Variants in KAZN observed in about 807,000 individuals in gnomAD.
KAZN encodes the protein kazrin, periplakin interacting protein, also known as kazrin.
Under a neutral mutation model 87.4 loss-of-function variants are expected in KAZN, and 40 were observed. That is an observed-to-expected ratio of 0.46 (90% CI 0.36 to 0.60). KAZN has a LOEUF of 0.60. Ranked by LOEUF, KAZN falls within the 20% of genes least tolerant of loss-of-function variation. KAZN has a pLI of 0.00. For missense variants in KAZN, 898 were observed against 1,073.9 expected, an observed-to-expected ratio of 0.84 and a Z score of 2.29; for synonymous variants, 466 against 458.3, an observed-to-expected ratio of 1.02 and a Z score of -0.22.
chr1:15,035,035 A>G (rs1672121254), intron 3 of KAZN, 150 bp downstream of exon 3: 1 of 975,118 alleles, frequency 1.0e-6, no homozygotes, highest in African/African-American at 1.6e-5. Context: ...AGGCACCGAG[A>G]TAAAACCGGC....
In KAZN at chr1:15,094,069, C is replaced by T. The variant is rs547771022; in HGVS notation, c.1223-111C>T. ...AGCCACTTTGATTTTGAAGAGAATA[C>T]ATGGAGGGGAGGATGTCCCCACCAC... On this transcript the variant is annotated intron_variant, in intron 8 of 14. Coordinates refer to ENST00000376030, the MANE Select transcript of KAZN (RefSeq NM_201628.3). The surrounding 1 kb of genome is among the most constrained non-coding windows in gnomAD (Gnocchi z 4.5). The T allele has an allele frequency of 1.3e-5, 11 of 866,236 alleles. No individual in the cohort carries two copies. The highest frequency in any genetic ancestry group is 1.2e-4 in the African/African-American group (7 of 60,146). The allele number at this position is 866,236 out of a possible 1,614,324, so 53.7% of individuals were successfully genotyped here.
chr1:14,389,177 C>T (rs1018714215), intron 2 of KAZN, among the ~76,000 whole-genome samples: 1 of 152,146 alleles, frequency 6.6e-6, no homozygotes, highest in Non-Finnish European at 1.5e-5. Flanking sequence ...GCTAAAATGG[C>T]TTTTCTCCAA....
intron 1 of KAZN, among the ~76,000 whole-genome samples, chr1:14,843,073 T>C (rs770796620): frequency 2.6e-5 from 4 of 152,158 alleles, no homozygotes; most frequent in Non-Finnish European, 5.9e-5. Flanking sequence ...CCCAATACAG[T>C]TGCATCACAT....
chr1:14,451,927 A>C (rs1667298233), intron 2 of KAZN, among the ~76,000 whole-genome samples: 1 of 151,770 alleles, frequency 6.6e-6, no homozygotes, highest in Non-Finnish European at 1.5e-5. Context: ...GGATGAGATT[A>C]ACTCTTTTTT....
At chr1:14,222,842 T>C (rs1557572849) in intron 2 of KAZN, among the ~76,000 whole-genome samples, 1 of 152,194 alleles carries the variant, frequency 6.6e-6, no homozygotes, top group Non-Finnish European at 1.5e-5. Context: ...AATATTATGA[T>C]GAATAGGTAT....
At chr1:14,909,921 C>T (rs566790017) in intron 1 of KAZN, among the ~76,000 whole-genome samples, 4 of 152,220 alleles carry the variant, frequency 2.6e-5, no homozygotes, top group South Asian at 2.1e-4. Context: ...GGCACGGTGG[C>T]GTGTGCTTGT....
intron 1 of KAZN, among the ~76,000 whole-genome samples, chr1:14,627,478 C>T (rs939759760): frequency 6.6e-6 from 1 of 152,142 alleles, no homozygotes; most frequent in African/African-American, 2.4e-5. Context: ...AGGCCTGATA[C>T]GATCTCACTC....
chr1:14,391,243 G>T (rs1662396745), intron 2 of KAZN, among the ~76,000 whole-genome samples: 1 of 152,148 alleles, frequency 6.6e-6, no homozygotes, highest in Non-Finnish European at 1.5e-5. Flanking sequence ...TGCTTCTTGG[G>T]CACTTTTGAG....
chr1:14,661,952 T>C (rs773087031), intron 1 of KAZN, among the ~76,000 whole-genome samples: 5 of 152,184 alleles, frequency 3.3e-5, no homozygotes, highest in Non-Finnish European at 7.3e-5. Flanking sequence ...CGGATAGGCC[T>C]GGGGTAGAAT....
In KAZN at chr1:14,174,006, C is replaced by T. The variant is rs570152337; in HGVS notation, c.92-6429C>T. Among the ~76,000 whole-genome samples the T allele has an allele frequency of 3.4e-4, 52 of 152,336 alleles. No individual in the cohort carries two copies. In the South Asian group the frequency reaches 3.7e-3, roughly 11 times the overall value. On this transcript the variant is annotated intron_variant, in intron 1 of 16. Coordinates refer to the KAZN transcript ENST00000636203. ...GGGTGACCAGCATTGAATATTTGGTCTGTACATAGAAACAAATGGGAAAAG... is the reference window on the plus strand; with the variant it reads ...GGGTGACCAGCATTGAATATTTGGTTTGTACATAGAAACAAATGGGAAAAG...
chr1:14,373,393 G>A (rs1660661353), intron 2 of KAZN, among the ~76,000 whole-genome samples: 1 of 152,108 alleles, frequency 6.6e-6, no homozygotes, highest in Non-Finnish European at 1.5e-5. Context: ...CCCGGTCCAA[G>A]AGCAAGAGAA....
Position 14,598,748 on chromosome 1 carries a change from CTTCTCCTCCTCTTTT to C in KAZN, c.-240_-226del, listed in dbSNP as rs890438000. On this transcript the variant is annotated 5_prime_UTR_variant, in exon 1 of 15. Transcript: ENST00000376030. This position sits in a 1 kb window ranked among gnomAD's most constrained non-coding sequence, Gnocchi z 4.2. Reference sequence around the variant, plus strand: ...TCGGCGATCGCTGCTCCTCCTCCTCCTTCTCCTCCTCTTTTTTCTCCTCCGCCTCCTCCCCCCGCC... The same window carrying C: ...TCGGCGATCGCTGCTCCTCCTCCTCCTTCTCCTCCGCCTCCTCCCCCCGCC... 6.2e-5 allele frequency: 83 copies of C among 1,338,526 alleles called. No individual in the cohort carries two copies. The Admixed American group carries it at 2.3e-3, about 37-fold the overall frequency. The allele number at this position is 1,338,526 out of a possible 1,614,324, so 82.9% of individuals were successfully genotyped here.
intron 1 of KAZN, among the ~76,000 whole-genome samples, chr1:14,173,133 G>A (rs1483191521): frequency 6.6e-6 from 1 of 152,136 alleles, no homozygotes; most frequent in African/African-American, 2.4e-5. Context: ...CTCAAGGGGA[G>A]GAGTAGCAAA....
chr1:14,825,445 G>A (rs375132186), intron 1 of KAZN, among the ~76,000 whole-genome samples: 3 of 151,984 alleles, frequency 2.0e-5, no homozygotes, highest in Admixed American at 6.5e-5. Context: ...CCTGCTTGCC[G>A]CGGGCCTGAA....
In KAZN at chr1:14,497,334, CT is replaced by C. The variant is rs1381248961; in HGVS notation, c.250-101648del. Among the ~76,000 whole-genome samples, 5 of 20,476 alleles carry C rather than the reference CT, an allele frequency of 2.4e-4. 1 individual carries two copies. Among genetic ancestry groups the C allele is most frequent in the East Asian group, 1.8e-3 (3 of 1,624 alleles). The allele number at this position is 20,476 out of a possible 152,430, so 13.4% of individuals were successfully genotyped here. On this transcript the variant is annotated intron_variant, in intron 2 of 16. Coordinates refer to the KAZN transcript ENST00000636203. ...TTCTATGCTTTACTTAATTCTGTTACTAAAAAAAAAAAAAAAAAAAAAAAAA... is the reference window on the plus strand; with the variant it reads ...TTCTATGCTTTACTTAATTCTGTTACAAAAAAAAAAAAAAAAAAAAAAAAA...
At chr1:14,121,197 A>G (rs114449191) in intron 1 of KAZN, among the ~76,000 whole-genome samples, 339 of 152,332 alleles carry the variant, frequency 2.2e-3, no homozygotes, top group African/African-American at 7.6e-3. Context: ...CTTGTCATAT[A>G]TGAGTATAGT....
At chr1:14,580,126 A>T (rs1490404761) in intron 2 of KAZN, among the ~76,000 whole-genome samples, 4 of 152,178 alleles carry the variant, frequency 2.6e-5, no homozygotes, top group African/African-American at 9.7e-5. Flanking sequence ...CTTCCAGGGT[A>T]ATTAATTTGT....
chr1:14,123,327 T>A (rs1052546784), intron 1 of KAZN, among the ~76,000 whole-genome samples: 1 of 152,126 alleles, frequency 6.6e-6, no homozygotes, highest in African/African-American at 2.4e-5. Flanking sequence ...GCAATGTGGA[T>A]GTTGAGGCTT....
At chr1:14,329,645 C>T (rs1387726607) in intron 2 of KAZN, among the ~76,000 whole-genome samples, 3 of 152,184 alleles carry the variant, frequency 2.0e-5, no homozygotes, top group African/African-American at 7.2e-5. Flanking sequence ...CCAAGCTACA[C>T]AACTAGACAG....
Sources: allele counts gnomAD v4.1 joint callset (sites outside exome capture counted in the v4.1 genomes callset), GRCh38; gene constraint gnomAD v4.1.1; non-coding constraint Gnocchi (gnomAD v3.1); transcripts MANE v1.5; gene names NCBI Gene and HGNC (gene_info 2026-07-23, HGNC 2026-07-21).